MGLL: variants seen among roughly 807,000 people sequenced by gnomAD.
MGLL encodes monoglyceride lipase.
MGLL carries 7 observed loss-of-function variants against 29.1 expected under a neutral mutation model. The ratio of observed to expected loss-of-function variants is 0.24; its 90% CI spans 0.14 to 0.45. The LOEUF is 0.45. MGLL is among the 20% of genes least tolerant of loss of function. The probability of loss-of-function intolerance (pLI) is 0.99; values close to 1 mark genes in which losing one functional copy is unlikely to be tolerated. For missense variants in MGLL, 356 were observed against 413.6 expected (o/e 0.86, Z 1.21); for synonymous variants, 148 against 168.3 (o/e 0.88, Z 0.93).
chr3:127,779,933 G>A (rs373593030), intron 3 of MGLL, among the ~76,000 whole-genome samples: 9 of 152,154 alleles, frequency 5.9e-5, no homozygotes, highest in East Asian at 3.9e-4. Flanking sequence ...AGTCACACAC[G>A]CACAGTCAAC....
chr3:127,804,761 G>T (rs1018202264), intron 2 of MGLL, among the ~76,000 whole-genome samples: 1 of 152,206 alleles, frequency 6.6e-6, no homozygotes, highest in African/African-American at 2.4e-5. Context: ...AATGGTAATA[G>T]TTGGGCCAGG....
In MGLL at chr3:127,689,373, G is replaced by A. The variant is rs569589015; in HGVS notation, c.*2825C>T. The A allele has an allele frequency of 7.2e-5, 11 of 152,362 alleles. No individual in the cohort carries two copies. In the East Asian group the frequency reaches 2.1e-3, roughly 29 times the overall value. 9.4% of individuals were successfully genotyped at this position (152,362 alleles called of 1,614,324 possible). A position where few individuals can be genotyped will look rare whatever the true frequency, so the allele number is the denominator to read the frequency against. On this transcript the variant is annotated 3_prime_UTR_variant, in exon 8 of 8. Coordinates refer to ENST00000265052, the MANE Select transcript of MGLL (RefSeq NM_007283.7). ...CAGCACCACCTGGAAGTGGAGGGAA[G>A]CTGGGTCGCTGCTGGAAGGGAGGGA...
intron 6 of MGLL, among the ~76,000 whole-genome samples, chr3:127,703,542 C>T (rs143227482): frequency 1.4e-4 from 21 of 152,252 alleles, no homozygotes; most frequent in Admixed American, 5.9e-4. Flanking sequence ...GCAACCCAGG[C>T]GGAAGTATTC....
intron 3 of MGLL, among the ~76,000 whole-genome samples, chr3:127,728,180 G>T (rs2076081798): frequency 6.6e-6 from 1 of 152,142 alleles, no homozygotes; most frequent in Admixed American, 6.5e-5. Context: ...AATTCATCCA[G>T]TGAAGTCTCA....
At chr3:127,704,958 C>T (rs551431815) in intron 6 of MGLL, among the ~76,000 whole-genome samples, 1 of 152,258 alleles carries the variant, frequency 6.6e-6, no homozygotes, top group South Asian at 2.1e-4. Flanking sequence ...ATAGCAAAGA[C>T]ATGGAATCAA....
chr3:127,797,665 T>G (rs532505354), intron 2 of MGLL, among the ~76,000 whole-genome samples: 29 of 152,310 alleles, frequency 1.9e-4, no homozygotes, highest in Admixed American at 1.5e-3. Context: ...TGGAGTGCAG[T>G]GGTGTAATCA....
At chr3:127,820,947 C>A (rs1480307143) in intron 2 of MGLL, among the ~76,000 whole-genome samples, 2 of 152,290 alleles carry the variant, frequency 1.3e-5, no homozygotes, top group East Asian at 3.9e-4. Context: ...GAGACATAAT[C>A]CAACCACACA....
At chr3:127,760,626 A>G (rs998496596) in intron 3 of MGLL, among the ~76,000 whole-genome samples, 6 of 152,188 alleles carry the variant, frequency 3.9e-5, no homozygotes, top group Non-Finnish European at 5.9e-5. Flanking sequence ...CTTCTGTCAG[A>G]TGATGCAGAA....
In MGLL at chr3:127,725,765, C is replaced by A. The variant is rs139474643; in HGVS notation, c.263-3199G>T. 4.5e-4 allele frequency among the ~76,000 whole-genome samples: 68 copies of A among 152,246 alleles called. 1 individual carries two copies. The highest frequency in any genetic ancestry group is 3.4e-3 in the Admixed American group (52 of 15,290). On this transcript the variant is annotated intron_variant, in intron 3 of 7. Transcript: ENST00000265052. ...TTTATGAATATAAAAATGGCTGAATCTTTTAAAAGTAAATTGCAGGCTGGG... is the reference window on the plus strand; with the variant it reads ...TTTATGAATATAAAAATGGCTGAATATTTTAAAAGTAAATTGCAGGCTGGG...
At chr3:127,806,381 A>G (rs1245394086) in intron 2 of MGLL, among the ~76,000 whole-genome samples, 1 of 152,228 alleles carries the variant, frequency 6.6e-6, no homozygotes, top group East Asian at 1.9e-4. Flanking sequence ...GGATGTATGG[A>G]TAAGTAAATG....
chr3:127,821,111 A>T (rs1293518468), intron 2 of MGLL, among the ~76,000 whole-genome samples: 1 of 152,208 alleles, frequency 6.6e-6, no homozygotes, highest in Non-Finnish European at 1.5e-5. Context: ...AAGAGGAGGG[A>T]GCAGCAGCAG....
At chr3:127,744,913 C>T (rs1338485558) in intron 3 of MGLL, among the ~76,000 whole-genome samples, 1 of 152,160 alleles carries the variant, frequency 6.6e-6, no homozygotes, top group Non-Finnish European at 1.5e-5. Context: ...CTGTGCTGTC[C>T]ACGTCCTTAA....
chr3:127,778,641 C>T (rs1452490398), intron 3 of MGLL, among the ~76,000 whole-genome samples: 1 of 152,188 alleles, frequency 6.6e-6, no homozygotes, highest in Admixed American at 6.5e-5. Context: ...GATGTTGGAG[C>T]CTTGGAGGTG....
At chr3:127,794,683 T>C (rs1382154408) in intron 2 of MGLL, among the ~76,000 whole-genome samples, 1 of 152,250 alleles carries the variant, frequency 6.6e-6, no homozygotes, top group Non-Finnish European at 1.5e-5. Context: ...TCTTCCACGA[T>C]GTGGAACTTT....
chr3:127,692,005 A>T lies in MGLL; in HGVS notation c.*193T>A. 1.4e-6 allele frequency: 1 copy of T among 698,952 alleles called. No individual in the cohort carries two copies. Among genetic ancestry groups the T allele is most frequent in the Non-Finnish European group, 2.3e-6 (1 of 430,226 alleles). 43.3% of individuals were successfully genotyped at this position (698,952 alleles called of 1,614,324 possible). The stretch of plus-strand genomic sequence containing the variant: ...TTTTTGCATAAAGTGTCTAACCATT[A>T]AGGTAGGTCCAGTGTCTGATAGTCT... On this transcript the variant is annotated 3_prime_UTR_variant, in exon 8 of 8. Transcript: ENST00000265052.
chr3:127,793,009 T>C (rs1576297687), intron 2 of MGLL, among the ~76,000 whole-genome samples: 1 of 152,196 alleles, frequency 6.6e-6, no homozygotes, highest in African/African-American at 2.4e-5. Flanking sequence ...TGACTCAAAA[T>C]ATTTTTTCTT....
chr3:127,744,920 T>G (rs2076414082), intron 3 of MGLL, among the ~76,000 whole-genome samples: 1 of 152,244 alleles, frequency 6.6e-6, no homozygotes, highest in African/African-American at 2.4e-5. Flanking sequence ...GTCCACGTCC[T>G]TAAGATCACC....
intron 2 of MGLL, among the ~76,000 whole-genome samples, chr3:127,785,565 A>G (rs1419784413): frequency 1.3e-5 from 2 of 152,252 alleles, no homozygotes; most frequent in African/African-American, 4.8e-5. Context: ...CTGTGAACAG[A>G]GAGCAAAGTT....
rs1311618423 is a variant in MGLL at position 127,761,704 on chromosome 3, G to A, written c.262+20085C>T. Among the ~76,000 whole-genome samples the A allele has an allele frequency of 6.6e-6, 1 of 152,216 alleles. No homozygotes were observed. ...CGCACAGCCGGCCGTGGGCAGAGCT[G>A]GACTGCCACGCAGGCTGCCTCCCTC... On this transcript the variant is annotated intron_variant, in intron 3 of 7. Transcript: ENST00000265052. This position sits in a 1 kb window ranked among gnomAD's most constrained non-coding sequence, Gnocchi z 4.6.
Sources: gnomAD v4.1 joint callset for allele counts (sites outside exome capture counted in the v4.1 genomes callset) on GRCh38, gnomAD v4.1.1 for gene constraint, Gnocchi (gnomAD v3.1) non-coding constraint, MANE v1.5 for transcripts, NCBI Gene and HGNC (gene_info 2026-07-23, HGNC 2026-07-21) for gene names.